Variants in MCUB observed in about 807,000 individuals in gnomAD.
MCUB encodes the protein calcium uniporter regulatory subunit MCUb, mitochondrial.
In MCUB, 46 loss-of-function variants were observed where a neutral mutation model predicts 41.4. That is an observed-to-expected ratio of 1.11 (90% CI 0.88 to 1.42). The LOEUF (loss-of-function observed/expected upper bound fraction) is 1.42, where lower values mean the gene tolerates loss of function less well. Among genes scored for constraint, MCUB ranks in the 40% most tolerant of loss-of-function variants. The pLI, the probability that MCUB is intolerant of heterozygous loss-of-function variation, is 0.00. For synonymous variants in MCUB, 148 were observed against 148.2 expected, an observed-to-expected ratio of 1.00 and a Z score of 0.01; for missense variants, 403 against 404.9, an observed-to-expected ratio of 1.00 and a Z score of 0.04.
chr4:109,655,445 G>A (rs1729069798), intron 1 of MCUB, among the ~76,000 whole-genome samples: 1 of 152,082 alleles, frequency 6.6e-6, no homozygotes, highest in Admixed American at 6.6e-5. Flanking sequence ...GAACATTCTA[G>A]GCTTTTAATC....
intron 1 of MCUB, among the ~76,000 whole-genome samples, chr4:109,633,967 G>A (rs1205933293): frequency 7.0e-6 from 1 of 143,032 alleles, no homozygotes; most frequent in Non-Finnish European, 1.5e-5. Flanking sequence ...TTATTATCAC[G>A]CTGTACTTTC....
In MCUB at chr4:109,563,434, A is replaced by G. The variant is rs560389300; in HGVS notation, c.99+2998A>G. On this transcript the variant is annotated intron_variant, in intron 1 of 7. Coordinates refer to ENST00000394650, the MANE Select transcript of MCUB (RefSeq NM_017918.5). ...TTAATGAACATATCGTTCTTGTTTG[A>G]CATGTTCCTACTATTCTATCTCTTG... Among the ~76,000 whole-genome samples the G allele has an allele frequency of 1.3e-3, 204 of 152,334 alleles. 1 individual carries two copies. The highest frequency in any genetic ancestry group is 2.0e-3 in the Non-Finnish European group (139 of 68,036).
intron 1 of MCUB, among the ~76,000 whole-genome samples, chr4:109,631,434 T>C (rs1728472166): frequency 6.6e-6 from 1 of 152,226 alleles, no homozygotes; most frequent in Non-Finnish European, 1.5e-5. Context: ...CTCTTTTTTA[T>C]TCAGAAAATA....
At chr4:109,572,690 C>T (rs1198061394) in intron 1 of MCUB, among the ~76,000 whole-genome samples, 2 of 133,950 alleles carry the variant, frequency 1.5e-5, no homozygotes, top group Non-Finnish European at 3.0e-5. Flanking sequence ...TACTTAATTA[C>T]GTCACTTATA....
At chr4:109,588,824 TG>T (rs1333873796) in intron 1 of MCUB, among the ~76,000 whole-genome samples, 10 of 152,258 alleles carry the variant, frequency 6.6e-5, no homozygotes, top group Non-Finnish European at 2.9e-5. Context: ...TCTTGGCTTT[TG>T]TTTTCAGTTC....
intron 4 of MCUB, among the ~76,000 whole-genome samples, chr4:109,670,749 G>T (rs1729438574): frequency 6.6e-6 from 1 of 151,588 alleles, no homozygotes; most frequent in Non-Finnish European, 1.5e-5. Context: ...AAAAAGAACA[G>T]AATTCTCTGG....
chr4:109,563,937 A>G (rs1005592788), intron 1 of MCUB, among the ~76,000 whole-genome samples: 1 of 152,028 alleles, frequency 6.6e-6, no homozygotes, highest in Non-Finnish European at 1.5e-5. Context: ...AGACCTAATA[A>G]TCTACTCAAT....
intron 4 of MCUB, chr4:109,681,567 C>T: frequency 7.5e-6 from 3 of 398,928 alleles, no homozygotes; most frequent in South Asian, 5.6e-5. Context: ...GAATCTTGGG[C>T]CATGCAGTGT....
chr4:109,648,129 C>T (rs932181705), intron 1 of MCUB, among the ~76,000 whole-genome samples: 2 of 152,148 alleles, frequency 1.3e-5, no homozygotes, highest in Non-Finnish European at 2.9e-5. Context: ...TAACAGACGA[C>T]AGTAGGACAG....
chr4:109,567,446 TTTTG>T (rs1186256503), intron 1 of MCUB, among the ~76,000 whole-genome samples: 3 of 151,648 alleles, frequency 2.0e-5, no homozygotes, highest in Non-Finnish European at 4.4e-5. Flanking sequence ...TTGTTAAACA[TTTTG>T]TTTGTTTTTG....
intron 1 of MCUB, among the ~76,000 whole-genome samples, chr4:109,655,783 A>G (rs1466681329): frequency 6.6e-6 from 1 of 151,800 alleles, no homozygotes; most frequent in Admixed American, 6.6e-5. Context: ...GGTTGTGGGG[A>G]GGTTGGCTAA....
intron 1 of MCUB, among the ~76,000 whole-genome samples, chr4:109,634,356 C>A (rs1728542562): frequency 6.6e-6 from 1 of 152,040 alleles, no homozygotes; most frequent in Non-Finnish European, 1.5e-5. Flanking sequence ...GTGGCGCGTG[C>A]CTGTAATCCC....
At chr4:109,564,429 C>T (rs1411323952) in intron 1 of MCUB, among the ~76,000 whole-genome samples, 4 of 152,274 alleles carry the variant, frequency 2.6e-5, no homozygotes, top group Middle Eastern at 3.4e-3. Flanking sequence ...TGAGACACTG[C>T]GCCCGGCTGG....
chr4:109,659,101 C>T lies in MCUB; in HGVS notation c.175+15C>T. 7.5e-7 allele frequency: 1 copy of T among 1,328,832 alleles called. No individual in the cohort carries two copies. Among genetic ancestry groups the T allele is most frequent in the Non-Finnish European group, 1.1e-6 (1 of 944,100 alleles). 82.3% of individuals were successfully genotyped at this position (1,328,832 alleles called of 1,614,324 possible). A position where few individuals can be genotyped will look rare whatever the true frequency, so the allele number is the denominator to read the frequency against. On this transcript the variant is annotated intron_variant, in intron 2 of 7. Coordinates refer to ENST00000394650, the MANE Select transcript of MCUB (RefSeq NM_017918.5). ...GCCACCTGATGGTAAGCTTTCTTAC[C>T]ATTTATTTGATTCATATGTTAATTG...
intron 1 of MCUB, among the ~76,000 whole-genome samples, chr4:109,632,196 AT>A (rs1728488514): frequency 6.6e-6 from 1 of 152,168 alleles, no homozygotes; most frequent in Non-Finnish European, 1.5e-5. Flanking sequence ...GATAGTAAAT[AT>A]TTTAGGTTTT....
chr4:109,572,265 G>A (rs1250598953), intron 1 of MCUB, among the ~76,000 whole-genome samples: 1 of 152,208 alleles, frequency 6.6e-6, no homozygotes, highest in Admixed American at 6.5e-5. Context: ...ACATTATAAT[G>A]GTTAAATTAG....
intron 1 of MCUB, among the ~76,000 whole-genome samples, chr4:109,628,603 T>A (rs1171447427): frequency 6.6e-6 from 1 of 152,166 alleles, no homozygotes; most frequent in African/African-American, 2.4e-5. Flanking sequence ...TGAAAGCAGA[T>A]TTGATAGCAC....
chr4:109,636,411 G>A (rs1024351773), intron 1 of MCUB, among the ~76,000 whole-genome samples: 1 of 152,168 alleles, frequency 6.6e-6, no homozygotes, highest in Non-Finnish European at 1.5e-5. Context: ...AGTGAGATAA[G>A]AGAGGGTAGC....
intron 1 of MCUB, among the ~76,000 whole-genome samples, chr4:109,637,677 A>G (rs1728624489): frequency 6.6e-6 from 1 of 152,180 alleles, no homozygotes; most frequent in Non-Finnish European, 1.5e-5. Context: ...TTTTGTTCTC[A>G]TTCATAAGTG....
Sources: allele counts gnomAD v4.1 joint callset (sites outside exome capture counted in the v4.1 genomes callset), GRCh38; gene constraint gnomAD v4.1.1; transcripts MANE v1.5; gene names NCBI Gene and HGNC (gene_info 2026-07-23, HGNC 2026-07-21).